The following CCDC7 variants were observed in gnomAD, a reference collection of about 807,000 sequenced individuals.
CCDC7 encodes coiled-coil domain-containing protein 7.
In CCDC7, 183 loss-of-function variants were observed where a neutral mutation model predicts 196.9. The ratio of observed to expected loss-of-function variants is 0.93; its 90% CI spans 0.82 to 1.05. The LOEUF is 1.05. Ranked by LOEUF, CCDC7 falls within the 50% of genes least tolerant of loss-of-function variation. CCDC7 has a pLI of 0.00. For missense variants in CCDC7, 1,540 were observed against 1,482.2 expected, an observed-to-expected ratio of 1.04 and a Z score of -0.64; for synonymous variants, 525 against 484.6, an observed-to-expected ratio of 1.08 and a Z score of -1.10.
intron 13 of CCDC7, among the ~76,000 whole-genome samples, chr10:32,560,070 C>G (rs2055174753): frequency 6.6e-6 from 1 of 152,008 alleles, no homozygotes; most frequent in African/African-American, 2.4e-5. Flanking sequence ...GAAAGGGTAT[C>G]AGTGATGGAA....
At chr10:32,721,811 G>A (rs1291465147) in intron 25 of CCDC7, among the ~76,000 whole-genome samples, 1 of 152,110 alleles carries the variant, frequency 6.6e-6, no homozygotes, top group Non-Finnish European at 1.5e-5. Flanking sequence ...GGACCCACCA[G>A]GAAGATGTCT....
At chr10:32,653,036 C>T (rs2069068846) in intron 20 of CCDC7, among the ~76,000 whole-genome samples, 1 of 152,206 alleles carries the variant, frequency 6.6e-6, no homozygotes, top group African/African-American at 2.4e-5. Context: ...AAGTCGTTAT[C>T]TTCCCTTCAT....
At chr10:32,826,824 C>A (rs1222331547) in intron 32 of CCDC7, among the ~76,000 whole-genome samples, 2 of 152,240 alleles carry the variant, frequency 1.3e-5, no homozygotes, top group African/African-American at 4.8e-5. Context: ...GTGGACAGAA[C>A]TTCGAGTGGT....
At chr10:32,817,068 G>A (rs1432846261) in intron 31 of CCDC7, among the ~76,000 whole-genome samples, 15 of 152,132 alleles carry the variant, frequency 9.9e-5, no homozygotes, top group African/African-American at 2.2e-4. Flanking sequence ...AACCCATGGC[G>A]AAGAAGTTAA....
At chr10:32,630,651 C>A (rs2064737096) in intron 18 of CCDC7, among the ~76,000 whole-genome samples, 1 of 152,124 alleles carries the variant, frequency 6.6e-6, no homozygotes. Context: ...ACTTAATCTG[C>A]ACTATAAATT....
chr10:32,587,578 T>C (rs1269967205), intron 18 of CCDC7, among the ~76,000 whole-genome samples: 1 of 152,224 alleles, frequency 6.6e-6, no homozygotes, highest in African/African-American at 2.4e-5. Context: ...ATATGAACTT[T>C]AGGAGGCACG....
chr10:32,672,451 T>A (rs2074234693), intron 21 of CCDC7, among the ~76,000 whole-genome samples: 1 of 152,170 alleles, frequency 6.6e-6, no homozygotes, highest in South Asian at 2.1e-4. Context: ...AGGTCTGGAA[T>A]GTGGTTACTT....
At chr10:32,705,535 A>C (rs1409416437) in intron 24 of CCDC7, among the ~76,000 whole-genome samples, 1 of 152,176 alleles carries the variant, frequency 6.6e-6, no homozygotes, top group African/African-American at 2.4e-5. Context: ...AGTTGGATAA[A>C]GAGTCAAGAC....
intron 33 of CCDC7, among the ~76,000 whole-genome samples, chr10:32,838,440 C>G (rs989979260): frequency 6.6e-6 from 1 of 151,888 alleles, no homozygotes; most frequent in Non-Finnish European, 1.5e-5. Flanking sequence ...CACAAAGAAA[C>G]AAGAATTTTC....
At chr10:32,511,856 C>T (rs1458554819) in intron 9 of CCDC7, 1 of 661,562 alleles carries the variant, frequency 1.5e-6, no homozygotes. Flanking sequence ...ATGATCTCAC[C>T]AATGTATAGC....
intron 21 of CCDC7, among the ~76,000 whole-genome samples, chr10:32,679,222 GT>G (rs541951935): frequency 7.6e-4 from 116 of 152,240 alleles, no homozygotes; most frequent in African/African-American, 2.7e-3. Context: ...GCCAATAATT[GT>G]CTCTTAAAGG....
chr10:32,797,095 A>G (rs1446180719), intron 29 of CCDC7, among the ~76,000 whole-genome samples: 1 of 151,932 alleles, frequency 6.6e-6, no homozygotes, highest in Non-Finnish European at 1.5e-5. Context: ...ATAATTCACA[A>G]TTGCAAAAAT....
chr10:32,616,946 T>C (rs1341667813), intron 18 of CCDC7, among the ~76,000 whole-genome samples: 1 of 150,700 alleles, frequency 6.6e-6, no homozygotes, highest in Non-Finnish European at 1.5e-5. Flanking sequence ...GTTTATGTGA[T>C]GTATTTCATT....
chr10:32,514,975 C>T lies in CCDC7; in HGVS notation c.873-2970C>T, dbSNP rs536123681. Among the ~76,000 whole-genome samples, 199 of 152,260 alleles carry T rather than the reference C, an allele frequency of 1.3e-3. 1 individual carries two copies. The highest frequency in any genetic ancestry group is 4.5e-3 in the African/African-American group (187 of 41,572). ...AAGCAGCTAGGACTACAGGCATGAA[C>T]CACCATGCCTGGCAATTAAAAAATT... On this transcript the variant is annotated intron_variant, in intron 9 of 41. Transcript: ENST00000639629.
chr10:32,707,741 A>G (rs2141786713), intron 24 of CCDC7, among the ~76,000 whole-genome samples: 1 of 152,296 alleles, frequency 6.6e-6, no homozygotes, highest in East Asian at 1.9e-4. Context: ...AGAGAATAAA[A>G]CACCTGGGAA....
chr10:32,881,746 A>G (rs1398771132), downstream of CCDC7, among the ~76,000 whole-genome samples: 1 of 151,856 alleles, frequency 6.6e-6, no homozygotes, highest in African/African-American at 2.4e-5. Context: ...CCCACACCCC[A>G]CAATTACAGG....
chr10:32,578,023 A>G (rs1364840096), intron 16 of CCDC7, among the ~76,000 whole-genome samples: 1 of 152,222 alleles, frequency 6.6e-6, no homozygotes, highest in Non-Finnish European at 1.5e-5. Context: ...TCCGTCAGAA[A>G]ATGGTTTCTT....
At chr10:32,613,495 T>C (rs1004572644) in intron 18 of CCDC7, among the ~76,000 whole-genome samples, 1 of 152,184 alleles carries the variant, frequency 6.6e-6, no homozygotes, top group African/African-American at 2.4e-5. Context: ...GTTCTTTTAA[T>C]TGTGATGTTA....
At chr10:32,453,301 A>G (rs1259473077) in intron 1 of CCDC7, 43 bp from the exon 3 acceptor site, 9 of 1,286,834 alleles carry the variant, frequency 7.0e-6, no homozygotes, top group African/African-American at 3.1e-5. Context: ...AATTAATTTT[A>G]AACTATTAAA....
Sources: allele counts gnomAD v4.1 joint callset (sites outside exome capture counted in the v4.1 genomes callset), GRCh38; gene constraint gnomAD v4.1.1; transcripts MANE v1.5; gene names NCBI Gene and HGNC (gene_info 2026-07-23, HGNC 2026-07-21).